PPP1R12C: variants seen among roughly 807,000 people sequenced by gnomAD.
PPP1R12C encodes protein phosphatase 1 regulatory subunit 12C.
Under a neutral mutation model 95.6 loss-of-function variants are expected in PPP1R12C, and 48 were observed. The observed-to-expected ratio is 0.50, with a 90% CI of 0.40 to 0.64. PPP1R12C has a LOEUF of 0.64. Ranked by LOEUF, PPP1R12C falls within the 30% of genes least tolerant of loss-of-function variation. PPP1R12C has a pLI of 0.00. For synonymous variants in PPP1R12C, 480 were observed against 460.8 expected (o/e 1.04, Z -0.53); for missense variants, 1,057 against 1,083.3 (o/e 0.98, Z 0.34).
chr19:55,100,081 G>A (rs997580273), intron 4 of PPP1R12C, among the ~76,000 whole-genome samples: 2 of 152,072 alleles, frequency 1.3e-5, no homozygotes, highest in African/African-American at 2.4e-5. Flanking sequence ...CCAAGCGTCC[G>A]CTCGCCGCTG....
intron 1 of PPP1R12C, chr19:55,113,497 C>T (rs529363402): frequency 1.6e-4 from 228 of 1,430,420 alleles, no homozygotes; most frequent in Admixed American, 5.9e-4. Flanking sequence ...TCATTCTTCC[C>T]TTAGGGGTCC....
intron 3 of PPP1R12C, among the ~76,000 whole-genome samples, chr19:55,104,541 A>G (rs1458407097): frequency 6.6e-6 from 1 of 151,558 alleles, no homozygotes; most frequent in Non-Finnish European, 1.5e-5. Flanking sequence ...TGTCTCTCCT[A>G]AAAATACCAA....
chr19:55,092,762 G>T, intron 16 of PPP1R12C, 21 bp downstream of exon 16: 3 of 1,543,250 alleles, frequency 1.9e-6, no homozygotes, highest in Non-Finnish European at 2.6e-6. Flanking sequence ...GCACCAGCTC[G>T]GCCCCACCTG....
At chr19:55,094,483 C>A in intron 12 of PPP1R12C, 48 bp from the exon 13 acceptor site, 1 of 1,607,142 alleles carries the variant, frequency 6.2e-7, no homozygotes, top group Non-Finnish European at 8.5e-7. Context: ...GGACCCTGTC[C>A]CATTCCGTGG....
At chr19:55,111,169 G>C (rs1371709872) in intron 3 of PPP1R12C, among the ~76,000 whole-genome samples, 3 of 150,252 alleles carry the variant, frequency 2.0e-5, no homozygotes, top group Middle Eastern at 3.4e-3. Flanking sequence ...TGCATGGTTG[G>C]GGGTGATGGC....
Position 55,095,898 on chromosome 19 carries a change from G to T in PPP1R12C, c.1196C>A (p.Ser399Tyr), listed in dbSNP as rs539068589. 6.2e-7 allele frequency: 1 copy of T among 1,613,480 alleles called. No homozygotes were observed. The highest frequency in any genetic ancestry group is 8.5e-7 in the Non-Finnish European group (1 of 1,179,988). ...ACTCTTAGGGCTGGGGTGCGGCGGGGAGGAGACGCCATTGAGGGTTCTGGG... is the reference window on the plus strand; with the variant it reads ...ACTCTTAGGGCTGGGGTGCGGCGGGTAGGAGACGCCATTGAGGGTTCTGGG... ...AEPRTLNGVSSPPHPSPKSPV... is the reference protein window; with the variant it reads ...AEPRTLNGVSYPPHPSPKSPV... The change falls in exon 9 of 22, where the codon TCC (serine) becomes TAC (tyrosine). Residue 399 changes from serine (S) to tyrosine (Y), a missense_variant. Around this residue, in one of 5 missense-constraint regions of PPP1R12C, gnomAD observed 356 missense variants for 330.5 expected, o/e 1.08. Transcript: ENST00000263433.
intron 3 of PPP1R12C, among the ~76,000 whole-genome samples, chr19:55,111,063 C>T (rs2085089724): frequency 7.0e-6 from 1 of 142,088 alleles, no homozygotes; most frequent in African/African-American, 2.6e-5. Flanking sequence ...GCTGATGATT[C>T]TATACTGTAT....
rs1236430902 is a variant in PPP1R12C at position 55,092,261 on chromosome 19, C to G, written c.2121G>C (p.Arg707=). 1 of 1,597,040 alleles carries G rather than the reference C, an allele frequency of 6.3e-7. No homozygotes were observed. ...CCAGCTCCACCTTGAGCTGCGCCAGCCGCAGCGTGGTCTCGGTCAGGGCCT... is the reference window on the plus strand; with the variant it reads ...CCAGCTCCACCTTGAGCTGCGCCAGGCGCAGCGTGGTCTCGGTCAGGGCCT... ...LREALTETTL[R]LAQLKVELER... The change falls in exon 19 of 22, where the codon CGG becomes CGC. Residue 707 remains arginine (R), a synonymous_variant. Coordinates refer to ENST00000263433, the MANE Select transcript of PPP1R12C (RefSeq NM_017607.4).
chr19:55,094,626 G>A, intron 12 of PPP1R12C, 35 bp downstream of exon 12: 3 of 1,546,546 alleles, frequency 1.9e-6, no homozygotes, highest in Non-Finnish European at 2.6e-6. Flanking sequence ...CCTGCTGGGG[G>A]CGGGGGCGGC....
intron 1 of PPP1R12C, chr19:55,113,604 A>G: frequency 1.6e-6 from 2 of 1,285,790 alleles, no homozygotes; most frequent in Non-Finnish European, 2.0e-6. Context: ...CCTGAACTGG[A>G]GCTGAGGAAG....
Position 55,094,720 on chromosome 19 carries a change from C to T in PPP1R12C, c.1533G>A (p.Ala511=). 1.2e-6 allele frequency: 2 copies of T among 1,610,164 alleles called. No individual in the cohort carries two copies. The highest frequency in any genetic ancestry group is 1.7e-4 in the Middle Eastern group (1 of 5,962). ...PSRIPEPESP[A]KPNVPTASTA... ...TGGAGGCTGTGGGGACGTTTGGCTT[C>T]GCTGGGGATTCAGGCTCCGGAATCC... is the stretch of plus-strand genomic sequence containing the variant. The change falls in exon 12 of 22, where the codon GCG becomes GCA. Residue 511 remains alanine (A), a synonymous_variant. Transcript: ENST00000263433.
rs746348555 is a variant in PPP1R12C at position 55,112,656 on chromosome 19, T to C, written c.452+9A>G. The C allele has an allele frequency of 2.0e-5, 33 of 1,613,480 alleles. No individual in the cohort carries two copies. Among genetic ancestry groups the C allele is most frequent in the South Asian group, 1.5e-4 (14 of 91,052 alleles). ...CGACCAGGTCCTGCCCGGCCCTCCC[T>C]TGCCTCACCTGGCGATATCTAGGTA... is the stretch of plus-strand genomic sequence containing the variant. On this transcript the variant is annotated intron_variant, in intron 2 of 21. Coordinates refer to ENST00000263433, the MANE Select transcript of PPP1R12C (RefSeq NM_017607.4).
At position 55,092,129 on chromosome 19, in the gene PPP1R12C, C is replaced by T. The variant is rs2084849621; in HGVS notation, c.2160+93G>A. ...CCCCTCAAGTGAAGCCCAGCCCCGC[C>T]GGCACCCCCAGGCCAGGCTCTACCT... is the stretch of plus-strand genomic sequence containing the variant. On this transcript the variant is annotated intron_variant, in intron 19 of 21. Transcript: ENST00000263433. 6 of 1,248,908 alleles carry T rather than the reference C, an allele frequency of 4.8e-6. No individual in the cohort carries two copies. The Admixed American group carries it at 6.7e-5, about 14-fold the overall frequency. The allele number at this position is 1,248,908 out of a possible 1,614,324, so 77.4% of individuals were successfully genotyped here.
chr19:55,102,840 C>G (rs1019383892), intron 4 of PPP1R12C, among the ~76,000 whole-genome samples: 6 of 152,180 alleles, frequency 3.9e-5, no homozygotes, highest in African/African-American at 1.4e-4. Flanking sequence ...CATATGGAAC[C>G]CATTCTCTGA....
In PPP1R12C at chr19:55,091,422, G is replaced by T; in HGVS notation, c.*50C>A. On this transcript the variant is annotated 3_prime_UTR_variant, in exon 22 of 22. Transcript: ENST00000263433. Reference sequence around the variant, plus strand: ...CGTGTTCACACGGGGGAAGGGGTGCGTGTGGCAGAAGCAGCTGTATAAATA... The same window carrying T: ...CGTGTTCACACGGGGGAAGGGGTGCTTGTGGCAGAAGCAGCTGTATAAATA... 2 of 1,536,828 alleles carry T rather than the reference G, an allele frequency of 1.3e-6. No individual in the cohort carries two copies. The highest frequency in any genetic ancestry group is 1.8e-6 in the Non-Finnish European group (2 of 1,116,028).
rs1428707597 is a variant in PPP1R12C, at chr19:55,092,212, G to A, written c.2160+10C>T. 8 of 1,556,320 alleles carry A rather than the reference G, an allele frequency of 5.1e-6. No individual in the cohort carries two copies. The highest frequency in any genetic ancestry group is 6.9e-6 in the Non-Finnish European group (8 of 1,153,516). On this transcript the variant is annotated intron_variant, in intron 19 of 21. Transcript: ENST00000263433. ...GCCAGTTCCCGTGACCCTGGCCTCG[G>A]CGCCCTTACCTGCGTGGCCCGCTCC... is the stretch of plus-strand genomic sequence containing the variant.
rs1303413841 is a variant in PPP1R12C, at chr19:55,098,771, C to T, written c.951+13G>A. 8 of 1,613,360 alleles carry T rather than the reference C, an allele frequency of 5.0e-6. No individual in the cohort carries two copies. Among genetic ancestry groups the T allele is most frequent in the South Asian group, 2.2e-5 (2 of 91,080 alleles). On this transcript the variant is annotated intron_variant, in intron 6 of 21. Coordinates refer to ENST00000263433, the MANE Select transcript of PPP1R12C (RefSeq NM_017607.4). ...GGGGAGTCTGGGGTAAGCCCCTCAG[C>T]CCTGACACTCACGTCCTCCTGTTTC...
chr19:55,113,119 G>T (rs1001707558), intron 1 of PPP1R12C: 8 of 510,464 alleles, frequency 1.6e-5, no homozygotes, highest in Non-Finnish European at 2.8e-5. Flanking sequence ...CAAAACCCCC[G>T]TCACCACCCA....
At chr19:55,103,323 G>A (rs1270837423) in intron 4 of PPP1R12C, 86 bp downstream of exon 4, 55 of 1,275,902 alleles carry the variant, frequency 4.3e-5, no homozygotes, top group South Asian at 1.3e-4. Context: ...CATAGCCTTC[G>A]GTACATACAT....
Sources: allele counts gnomAD v4.1 joint callset (sites outside exome capture counted in the v4.1 genomes callset), GRCh38; gene constraint gnomAD v4.1.1; regional missense constraint gnomAD v4.1.1; transcripts MANE v1.5; gene names NCBI Gene and HGNC (gene_info 2026-07-23, HGNC 2026-07-21).